The following DHRSX variants were observed in gnomAD, a reference collection of about 807,000 sequenced individuals.
The protein encoded by DHRSX is polyprenol dehydrogenase.
A neutral mutation model predicts 34.0 loss-of-function variants in DHRSX; 31 were observed. That is an observed-to-expected ratio of 0.91 (90% CI 0.69 to 1.23). The LOEUF (loss-of-function observed/expected upper bound fraction) is 1.23. DHRSX is among the 50% of genes most tolerant of loss of function. The probability of loss-of-function intolerance (pLI) is 0.00; values close to 1 mark genes in which losing one functional copy is unlikely to be tolerated. For synonymous variants in DHRSX, 201 were observed against 183.8 expected (o/e 1.09, Z -0.76); for missense variants, 414 against 428.1 (o/e 0.97, Z 0.29).
chrX:2,240,674 T>C (rs1296896049), intron 6 of DHRSX, among the ~76,000 whole-genome samples: 1 of 152,010 alleles, frequency 6.6e-6, no homozygotes, highest in Non-Finnish European at 1.5e-5. Context: ...CCTCAACCCA[T>C]GCGGTTTTGA....
At chrX:2,312,220 A>G (rs114257788) in intron 3 of DHRSX, among the ~76,000 whole-genome samples, 5,945 of 152,188 alleles carry the variant, frequency 0.039, 273 homozygotes, top group African/African-American at 0.11. Context: ...CCTTCCAGGA[A>G]GGAAACTCCA....
intron 2 of DHRSX, among the ~76,000 whole-genome samples, chrX:2,410,664 A>T (rs2043615380): frequency 6.6e-6 from 1 of 152,214 alleles, no homozygotes; most frequent in African/African-American, 2.4e-5. Context: ...TGGGCTCCCA[A>T]ATTAACTATT....
intron 3 of DHRSX, among the ~76,000 whole-genome samples, chrX:2,382,633 TCATCAC>T (rs2043218775): frequency 4.9e-5 from 2 of 40,894 alleles, no homozygotes; most frequent in East Asian, 5.7e-4. Context: ...ATCATCACCA[TCATCAC>T]CATCACCATC....
At chrX:2,316,591 G>C (rs781427320) in intron 3 of DHRSX, among the ~76,000 whole-genome samples, 1 of 151,990 alleles carries the variant, frequency 6.6e-6, no homozygotes, top group African/African-American at 2.4e-5. Flanking sequence ...CCAGGAAAAG[G>C]ATCTCTGAGA....
chrX:2,273,767 A>C (rs1421645884), intron 4 of DHRSX, among the ~76,000 whole-genome samples: 1 of 152,166 alleles, frequency 6.6e-6, no homozygotes, highest in Admixed American at 6.5e-5. Flanking sequence ...TCTTAGGATA[A>C]TGGCTTGCAG....
At chrX:2,320,212 C>T (rs1403060918) in intron 3 of DHRSX, among the ~76,000 whole-genome samples, 2 of 151,716 alleles carry the variant, frequency 1.3e-5, no homozygotes, top group African/African-American at 4.8e-5. Flanking sequence ...ACAGAACTTG[C>T]CCATTCATTT....
intron 2 of DHRSX, among the ~76,000 whole-genome samples, chrX:2,418,786 G>A (rs2043730771): frequency 6.6e-6 from 1 of 152,140 alleles, no homozygotes; most frequent in Admixed American, 6.5e-5. Flanking sequence ...AATATTGGCA[G>A]AAGTCTGAGA....
intron 1 of DHRSX, among the ~76,000 whole-genome samples, chrX:2,425,581 G>A (rs28416012): frequency 0.015 from 2,313 of 152,232 alleles, 47 homozygotes; most frequent in African/African-American, 0.053. Context: ...CAGTGTGACC[G>A]GCAGAAAGGT....
rs534373589 is a variant in DHRSX, at chrX:2,459,526, G to C, written c.110-34222C>G. 9.8e-4 allele frequency among the ~76,000 whole-genome samples: 138 copies of C among 140,254 alleles called. 1 individual carries two copies. In the South Asian group the frequency reaches 0.031, roughly 32 times the overall value. The allele number at this position is 140,254 out of a possible 152,430, so 92.0% of individuals were successfully genotyped here. ...CATCATATTGTACCATAGAGAGAGA[G>C]AGAGAGAGAATGTGTGTCTGTGTGT... is the stretch of plus-strand genomic sequence containing the variant. On this transcript the variant is annotated intron_variant, in intron 1 of 6. Coordinates refer to ENST00000334651, the MANE Select transcript of DHRSX (RefSeq NM_145177.3).
chrX:2,408,701 GA>G (rs112731156), intron 3 of DHRSX, 43 bp downstream of exon 3: 2,952 of 1,330,042 alleles, frequency 2.2e-3, no homozygotes, highest in Non-Finnish European at 2.5e-3. Flanking sequence ...CTGTCCCAAG[GA>G]AAAAAAAAAA....
At chrX:2,318,938 C>T (rs1421698660) in intron 3 of DHRSX, among the ~76,000 whole-genome samples, 2 of 152,078 alleles carry the variant, frequency 1.3e-5, no homozygotes, top group African/African-American at 2.4e-5. Flanking sequence ...CTCATGTTTT[C>T]TATAATAATT....
intron 3 of DHRSX, among the ~76,000 whole-genome samples, chrX:2,348,936 C>T (rs754685789): frequency 2.4e-4 from 37 of 152,146 alleles, no homozygotes; most frequent in African/African-American, 8.4e-4. Context: ...TCAGGTGCTC[C>T]GCTTGCCTCA....
intron 1 of DHRSX, 157 bp downstream of exon 1, chrX:2,500,660 C>CTCCGA (rs2045402010): frequency 6.8e-6 from 1 of 147,296 alleles, no homozygotes; most frequent in African/African-American, 2.5e-5. Context: ...CGCCGCCCCC[C>CTCCGA]CCCCACCCCC....
At position 2,476,951 on chromosome X, in the gene DHRSX, G is replaced by A. The variant is rs749873011; in HGVS notation, c.109+23866C>T. Among the ~76,000 whole-genome samples, 11 of 151,642 alleles carry A rather than the reference G, an allele frequency of 7.3e-5. No individual in the cohort carries two copies. In the South Asian group the frequency reaches 1.7e-3, roughly 23 times the overall value. ...TGGGAGACGGAGGCTGCAGTGAGCC[G>A]AGATCATACCACTGCACTCCAGCCT... On this transcript the variant is annotated intron_variant, in intron 1 of 6. Transcript: ENST00000334651.
intron 4 of DHRSX, among the ~76,000 whole-genome samples, chrX:2,268,206 T>C (rs2041500908): frequency 6.6e-6 from 1 of 152,198 alleles, no homozygotes; most frequent in South Asian, 2.1e-4. Context: ...GCGCCTGCCC[T>C]GAAGTCCTTG....
chrX:2,370,625 T>C (rs2043046547), intron 3 of DHRSX, among the ~76,000 whole-genome samples: 2 of 145,444 alleles, frequency 1.4e-5, no homozygotes, highest in African/African-American at 5.2e-5. Flanking sequence ...TCCTCATTAC[T>C]CACAGATGCT....
intron 6 of DHRSX, among the ~76,000 whole-genome samples, chrX:2,238,015 G>T (rs769202236): frequency 6.6e-6 from 1 of 152,104 alleles, no homozygotes; most frequent in Non-Finnish European, 1.5e-5. Flanking sequence ...GAGACCATCT[G>T]CATGTCTCAG....
chrX:2,363,985 A>T (rs1483847920), intron 3 of DHRSX, among the ~76,000 whole-genome samples: 1 of 78,112 alleles, frequency 1.3e-5, no homozygotes, highest in Non-Finnish European at 4.7e-5. Flanking sequence ...GGTGGGATGG[A>T]GGAGATAAGG....
At chrX:2,472,672 G>C (rs1300389364) in intron 1 of DHRSX, among the ~76,000 whole-genome samples, 1 of 152,120 alleles carries the variant, frequency 6.6e-6, no homozygotes, top group Non-Finnish European at 1.5e-5. Flanking sequence ...TACAGGCTGA[G>C]ATGGGAGAAT....
Sources: gnomAD v4.1 joint callset for allele counts (sites outside exome capture counted in the v4.1 genomes callset) on GRCh38, gnomAD v4.1.1 for gene constraint, MANE v1.5 for transcripts, NCBI Gene and HGNC (gene_info 2026-07-23, HGNC 2026-07-21) for gene names.